Variants in CACNA2D3 observed in about 807,000 individuals in gnomAD.
The protein encoded by CACNA2D3 is calcium voltage-gated channel auxiliary subunit alpha2delta 3.
A neutral mutation model predicts 160.6 loss-of-function variants in CACNA2D3; 60 were observed. That is an observed-to-expected ratio of 0.37 (90% CI 0.30 to 0.46). The LOEUF is 0.46. Among genes scored for constraint, CACNA2D3 ranks in the 20% least tolerant of loss-of-function variants. The pLI, the probability that CACNA2D3 is intolerant of heterozygous loss-of-function variation, is 1.00. For missense variants in CACNA2D3, 1,205 were observed against 1,365.0 expected, an observed-to-expected ratio of 0.88 and a Z score of 1.85; for synonymous variants, 558 against 492.9, an observed-to-expected ratio of 1.13 and a Z score of -1.75.
chr3:55,062,451 A>G (rs1211256904), intron 35 of CACNA2D3, among the ~76,000 whole-genome samples: 1 of 152,124 alleles, frequency 6.6e-6, no homozygotes, highest in Non-Finnish European at 1.5e-5. Flanking sequence ...AATGACGTGT[A>G]GAAAACAAAA....
At position 54,724,606 on chromosome 3, in the gene CACNA2D3, A is replaced by G. The variant is rs539571190; in HGVS notation, c.1168-27993A>G. ...GTACCATCAAACTCTAGAACTCAGG[A>G]TTAAGAAACTCACTCAAAACCACAC... On this transcript the variant is annotated intron_variant, in intron 11 of 37. Transcript: ENST00000474759. Among the ~76,000 whole-genome samples the G allele has an allele frequency of 9.8e-5, 15 of 152,310 alleles. No homozygotes were observed. The South Asian group carries it at 2.3e-3, about 23-fold the overall frequency.
chr3:54,417,515 A>G (rs1314867693), intron 4 of CACNA2D3, among the ~76,000 whole-genome samples: 1 of 150,200 alleles, frequency 6.7e-6, no homozygotes, highest in African/African-American at 2.5e-5. Flanking sequence ...TGGAAAGGAT[A>G]GCAACTATTT....
intron 2 of CACNA2D3, among the ~76,000 whole-genome samples, chr3:54,196,859 T>C (rs1701090464): frequency 6.6e-6 from 1 of 152,210 alleles, no homozygotes; most frequent in South Asian, 2.1e-4. Flanking sequence ...TGTAAGATAA[T>C]GCATGCGTCC....
intron 5 of CACNA2D3, among the ~76,000 whole-genome samples, chr3:54,554,872 T>C (rs948442147): frequency 7.6e-5 from 2 of 26,380 alleles, no homozygotes; most frequent in Non-Finnish European, 1.6e-4. Flanking sequence ...CTCACTCTCT[T>C]TTTTTTTTTT....
intron 16 of CACNA2D3, among the ~76,000 whole-genome samples, chr3:54,840,245 A>T (rs1698789426): frequency 6.6e-6 from 1 of 152,078 alleles, no homozygotes; most frequent in Admixed American, 6.6e-5. Flanking sequence ...CATTTCTCCA[A>T]GCTTCCTCTA....
intron 4 of CACNA2D3, among the ~76,000 whole-genome samples, chr3:54,493,842 C>T (rs962748450): frequency 1.3e-5 from 2 of 152,336 alleles, no homozygotes; most frequent in East Asian, 1.9e-4. Flanking sequence ...TCTATGGCAG[C>T]TGTCATGCCA....
intron 3 of CACNA2D3, among the ~76,000 whole-genome samples, chr3:54,327,375 A>G (rs917342301): frequency 1.3e-5 from 2 of 152,220 alleles, no homozygotes; most frequent in Admixed American, 1.3e-4. Context: ...GCCTCACATC[A>G]TTGAAGTTGG....
chr3:54,967,870 CACAG>C (rs1351824509), intron 27 of CACNA2D3, among the ~76,000 whole-genome samples: 1 of 152,122 alleles, frequency 6.6e-6, no homozygotes, highest in African/African-American at 2.4e-5. Context: ...GGAAGCTTTT[CACAG>C]ACAAAGAAAA....
rs76662606 is a variant in CACNA2D3, at chr3:54,918,385, C to T, written c.2449+18517C>T. The stretch of plus-strand genomic sequence containing the variant: ...TTTGGCAAAAGCAAAATCAGACTAA[C>T]AGGAAACACATCAGCCCTACTCAGA... On this transcript the variant is annotated intron_variant, in intron 27 of 37. Transcript: ENST00000474759. The T allele has an allele frequency of 1.4e-3, 755 of 550,402 alleles. 2 individuals are homozygous for T. The African/African-American group carries it at 0.017, about 13-fold the overall frequency. 34.1% of individuals were successfully genotyped at this position (550,402 alleles called of 1,614,324 possible).
At chr3:54,430,119 T>C (rs1411491508) in intron 4 of CACNA2D3, among the ~76,000 whole-genome samples, 1 of 152,240 alleles carries the variant, frequency 6.6e-6, no homozygotes, top group Non-Finnish European at 1.5e-5. Context: ...ATTATGTCCT[T>C]GCTGCGCAAC....
chr3:55,019,191 A>G (rs1190199982), intron 35 of CACNA2D3, among the ~76,000 whole-genome samples: 2 of 151,710 alleles, frequency 1.3e-5, no homozygotes, highest in African/African-American at 4.8e-5. Context: ...TAATACCTAT[A>G]TATCAATACC....
At chr3:54,252,164 C>T (rs1325236659) in intron 2 of CACNA2D3, among the ~76,000 whole-genome samples, 1 of 133,102 alleles carries the variant, frequency 7.5e-6, no homozygotes, top group Non-Finnish European at 1.5e-5. Flanking sequence ...TTTGCTAAAA[C>T]ACAGGTAGAT....
intron 2 of CACNA2D3, among the ~76,000 whole-genome samples, chr3:54,262,292 G>A (rs919122282): frequency 2.6e-5 from 4 of 152,242 alleles, no homozygotes; most frequent in African/African-American, 9.6e-5. Flanking sequence ...CTCCAAGGTC[G>A]TGATGTGAGA....
At chr3:54,549,427 A>C (rs1196094108) in intron 5 of CACNA2D3, among the ~76,000 whole-genome samples, 1 of 152,216 alleles carries the variant, frequency 6.6e-6, no homozygotes, top group Non-Finnish European at 1.5e-5. Flanking sequence ...GCCTGGGCGA[A>C]AGAGCGAGAC....
chr3:54,794,071 TCTTTC>T (rs759977263), intron 13 of CACNA2D3, among the ~76,000 whole-genome samples: 4 of 152,332 alleles, frequency 2.6e-5, no homozygotes, highest in East Asian at 1.9e-4. Context: ...TGATAACTCC[TCTTTC>T]CTTGATATAT....
At chr3:54,956,678 C>A (rs1701903398) in intron 27 of CACNA2D3, among the ~76,000 whole-genome samples, 2 of 152,082 alleles carry the variant, frequency 1.3e-5, no homozygotes, top group Admixed American at 1.3e-4. Flanking sequence ...GTAATTTGTT[C>A]TCAGAGTAAT....
At chr3:54,827,650 C>G (rs74514966) in intron 14 of CACNA2D3, among the ~76,000 whole-genome samples, 229 of 152,260 alleles carry the variant, frequency 1.5e-3, no homozygotes, top group African/African-American at 4.8e-3. Flanking sequence ...AGGCAAAATA[C>G]ACAAAGATAT....
At chr3:54,188,272 A>C (rs74566878) in intron 2 of CACNA2D3, among the ~76,000 whole-genome samples, 29 of 143,940 alleles carry the variant, frequency 2.0e-4, no homozygotes, top group African/African-American at 2.8e-4. Flanking sequence ...AACAAACAAA[A>C]AAACCAGTAG....
chr3:54,994,056 T>A (rs1702803332), intron 31 of CACNA2D3, among the ~76,000 whole-genome samples: 1 of 152,100 alleles, frequency 6.6e-6, no homozygotes, highest in African/African-American at 2.4e-5. Context: ...TCCTTGTCGC[T>A]GCACCCCACA....
Sources: gnomAD v4.1 joint callset for allele counts (sites outside exome capture counted in the v4.1 genomes callset) on GRCh38, gnomAD v4.1.1 for gene constraint, MANE v1.5 for transcripts, NCBI Gene and HGNC (gene_info 2026-07-23, HGNC 2026-07-21) for gene names.